TANC2: variants seen among roughly 807,000 people sequenced by gnomAD.
The protein encoded by TANC2 is protein TANC2.
In TANC2, 26 loss-of-function variants were observed where a neutral mutation model predicts 210.5. The ratio of observed to expected loss-of-function variants is 0.12; its 90% CI spans 0.09 to 0.17. The LOEUF (loss-of-function observed/expected upper bound fraction) is 0.17, where lower values mean the gene tolerates loss of function less well. Ranked by LOEUF, TANC2 falls within the 10% of genes least tolerant of loss-of-function variation. The probability of loss-of-function intolerance (pLI) is 1.00; values close to 1 mark genes in which losing one functional copy is unlikely to be tolerated. For missense variants in TANC2, 2,129 were observed against 2,608.9 expected (o/e 0.82, Z 4.01); for synonymous variants, 931 against 967.1 (o/e 0.96, Z 0.69).
intron 15 of TANC2, 72 bp from the exon 16 acceptor site, chr17:63,388,563 G>A: frequency 6.1e-6 from 9 of 1,475,822 alleles, no homozygotes; most frequent in Non-Finnish European, 8.3e-6. Context: ...AAACAAAGAG[G>A]CCACTAATTC....
Position 63,413,644 on chromosome 17 carries a change from G to A in TANC2, c.4020+10G>A. 6.3e-7 allele frequency: 1 copy of A among 1,583,266 alleles called. No individual in the cohort carries two copies. The highest frequency in any genetic ancestry group is 8.6e-7 in the Non-Finnish European group (1 of 1,163,840). On this transcript the variant is annotated intron_variant, in intron 25 of 27. Transcript: ENST00000689528. ...GGACATGTTTTATAAGGTGAGGGGAGGGAGGGACACAGTTTCTTCAGAACA... is the reference window on the plus strand; with the variant it reads ...GGACATGTTTTATAAGGTGAGGGGAAGGAGGGACACAGTTTCTTCAGAACA...
intron 21 of TANC2, among the ~76,000 whole-genome samples, chr17:63,410,499 C>T (rs2048660563): frequency 6.6e-6 from 1 of 152,056 alleles, no homozygotes; most frequent in African/African-American, 2.4e-5. Context: ...GCCCTGGCAT[C>T]GTGATCAATG....
intron 14 of TANC2, among the ~76,000 whole-genome samples, chr17:63,369,791 C>T (rs898787161): frequency 3.9e-5 from 6 of 151,916 alleles, no homozygotes; most frequent in East Asian, 1.9e-4. Flanking sequence ...TTAGTAGAGA[C>T]GGGGTTTTAT....
exon 22 of TANC2, chr17:63,411,670 A>C: frequency 1.1e-5 from 18 of 1,612,870 alleles, no homozygotes; most frequent in Non-Finnish European, 1.5e-5. Context: ...GCAGCTTTCT[A>C]TGGCGATGCT....
At chr17:63,389,539 G>A (rs752996763) in exon 17 of TANC2, 10 of 1,605,208 alleles carry the variant, frequency 6.2e-6, no homozygotes, top group Non-Finnish European at 7.7e-6. Flanking sequence ...CAAGAAACGG[G>A]CCAAGGTACT....
In TANC2 at chr17:63,203,807, C is replaced by G. The variant is rs577732770; in HGVS notation, c.769+2850C>G. 3.9e-5 allele frequency among the ~76,000 whole-genome samples: 6 copies of G among 152,150 alleles called. No individual in the cohort carries two copies. In the South Asian group the frequency reaches 1.2e-3, roughly 32 times the overall value. On this transcript the variant is annotated intron_variant, in intron 7 of 27. Coordinates refer to ENST00000689528, the Ensembl canonical transcript of TANC2. ...CAGTGGACACCAAAAAAAAAGTAGT[C>G]AGATAAATAGGAGAAAACTTAGGGC...
At chr17:62,971,096 C>T (rs763751770) in intron 1 of TANC2, among the ~76,000 whole-genome samples, 8 of 151,822 alleles carry the variant, frequency 5.3e-5, no homozygotes, top group Non-Finnish European at 7.4e-5. Context: ...GTTGTAATAC[C>T]GTGAGAATAC....
At chr17:63,211,386 TA>T (rs1335718641) in intron 7 of TANC2, among the ~76,000 whole-genome samples, 1 of 152,184 alleles carries the variant, frequency 6.6e-6, no homozygotes, top group Non-Finnish European at 1.5e-5. Flanking sequence ...GCCTTGGATT[TA>T]TTGTTCTAGC....
chr17:63,081,481 T>A (rs979213609), intron 3 of TANC2, among the ~76,000 whole-genome samples: 1 of 152,232 alleles, frequency 6.6e-6, no homozygotes, highest in Admixed American at 6.5e-5. Flanking sequence ...TATGCATATA[T>A]AAACCAGTTT....
At chr17:63,214,410 G>A (rs2041971375) in intron 7 of TANC2, among the ~76,000 whole-genome samples, 1 of 152,188 alleles carries the variant, frequency 6.6e-6, no homozygotes, top group Admixed American at 6.5e-5. Context: ...GGCCACTTTG[G>A]CCAAACAACT....
intron 1 of TANC2, among the ~76,000 whole-genome samples, chr17:63,006,559 C>T (rs75382312): frequency 0.029 from 4,391 of 152,108 alleles, 81 homozygotes; most frequent in South Asian, 0.037. Context: ...TTTTAAGCAA[C>T]AGGAGATTTT....
At chr17:63,048,421 G>C (rs901853598) in intron 2 of TANC2, among the ~76,000 whole-genome samples, 2 of 152,140 alleles carry the variant, frequency 1.3e-5, no homozygotes, top group African/African-American at 4.8e-5. Flanking sequence ...AATTAATGAG[G>C]TGCTAAGTAG....
intron 9 of TANC2, among the ~76,000 whole-genome samples, chr17:63,278,648 A>G (rs2043967330): frequency 6.6e-6 from 1 of 152,168 alleles, no homozygotes; most frequent in South Asian, 2.1e-4. Context: ...AAGAACTGAA[A>G]TCAGGGTCTC....
chr17:63,306,255 A>G (rs1281469877), intron 9 of TANC2, among the ~76,000 whole-genome samples: 1 of 152,114 alleles, frequency 6.6e-6, no homozygotes, highest in Non-Finnish European at 1.5e-5. Context: ...TTGAAGACAG[A>G]CTGGGATTGC....
chr17:63,281,240 G>A (rs1027207052), intron 9 of TANC2, among the ~76,000 whole-genome samples: 27 of 152,228 alleles, frequency 1.8e-4, no homozygotes, highest in African/African-American at 6.5e-4. Flanking sequence ...TTTCCAATCT[G>A]TGGATGGCTT....
chr17:63,215,292 C>T (rs1484315710), intron 7 of TANC2, among the ~76,000 whole-genome samples: 1 of 152,186 alleles, frequency 6.6e-6, no homozygotes, highest in Admixed American at 6.5e-5. Context: ...ACCATTCCAT[C>T]AACCAACTTG....
chr17:63,340,345 C>G lies in TANC2; in HGVS notation c.1807+13C>G, dbSNP rs775196830. On this transcript the variant is annotated intron_variant, in intron 12 of 27. Transcript: ENST00000689528. ...AATCTCCATAAAGGTACAGATAAGG[C>G]CCAAAGGAGGGGAAAGATGGAGGTT... 1.2e-5 allele frequency: 19 copies of G among 1,606,188 alleles called. No individual in the cohort carries two copies. The Admixed American group carries it at 2.3e-4, about 20-fold the overall frequency.
chr17:63,297,488 A>G (rs34914130), intron 9 of TANC2, among the ~76,000 whole-genome samples: 23,210 of 152,066 alleles, frequency 0.15, 2,107 homozygotes, highest in Middle Eastern at 0.21. Flanking sequence ...AATGGTACTG[A>G]GACAACTGGA....
chr17:63,297,816 T>C (rs2044583043), intron 9 of TANC2, among the ~76,000 whole-genome samples: 1 of 152,066 alleles, frequency 6.6e-6, no homozygotes, highest in Non-Finnish European at 1.5e-5. Context: ...ATGTATCTGA[T>C]AAGGGTCTAG....
Sources: gnomAD v4.1 joint callset for allele counts (sites outside exome capture counted in the v4.1 genomes callset) on GRCh38, gnomAD v4.1.1 for gene constraint, MANE v1.5 for transcripts, NCBI Gene and HGNC (gene_info 2026-07-23, HGNC 2026-07-21) for gene names.